The following SETBP1 variants were observed in gnomAD, a reference collection of about 807,000 sequenced individuals.
SETBP1 encodes SET-binding protein.
Under a neutral mutation model 101.0 loss-of-function variants are expected in SETBP1, and 9 were observed. That is an observed-to-expected ratio of 0.09 (90% CI 0.05 to 0.16). The LOEUF is 0.16. Among genes scored for constraint, SETBP1 ranks in the 10% least tolerant of loss-of-function variants. The pLI is 1.00. For missense variants in SETBP1, 1,858 were observed against 2,033.8 expected, an observed-to-expected ratio of 0.91 and a Z score of 1.66; for synonymous variants, 818 against 788.5, an observed-to-expected ratio of 1.04 and a Z score of -0.63.
intron 2 of SETBP1, among the ~76,000 whole-genome samples, chr18:44,818,873 C>T (rs1165918489): frequency 6.6e-6 from 1 of 151,936 alleles, no homozygotes; most frequent in Admixed American, 6.5e-5. Flanking sequence ...CACTCATCAT[C>T]TTACATATCC....
intron 4 of SETBP1, among the ~76,000 whole-genome samples, chr18:45,008,358 C>A (rs1304161773): frequency 6.6e-6 from 1 of 152,158 alleles, no homozygotes; most frequent in African/African-American, 2.4e-5. Flanking sequence ...GTATGTCCAT[C>A]ATGAATCTGA....
At chr18:44,837,646 G>A (rs1193094009) in intron 2 of SETBP1, among the ~76,000 whole-genome samples, 1 of 152,196 alleles carries the variant, frequency 6.6e-6, no homozygotes, top group East Asian at 1.9e-4. Flanking sequence ...AAGAGGCGAT[G>A]CGGTCCATTT....
Position 45,038,639 on chromosome 18 carries a change from A to G in SETBP1, c.4155A>G (p.Ala1385=), listed in dbSNP as rs745718445. 6.2e-7 allele frequency: 1 copy of G among 1,614,156 alleles called. No individual in the cohort carries two copies. Among genetic ancestry groups the G allele is most frequent in the South Asian group, 1.1e-5 (1 of 91,090 alleles). ...TGTTATCTCTCCTTGCTGCATCTGCAGCAACGTCGGATGCAGGTGAGCACT... is the reference window on the plus strand; with the variant it reads ...TGTTATCTCTCCTTGCTGCATCTGCGGCAACGTCGGATGCAGGTGAGCACT... The part of the protein sequence containing the change: ...APVLSLLAAS[A]ATSDAVGSSL... Residue 1385 remains alanine, a synonymous_variant, in exon 5 of 6, where the codon GCA becomes GCG. Coordinates refer to ENST00000649279, the MANE Select transcript of SETBP1 (RefSeq NM_015559.3).
chr18:45,032,577 G>A (rs1225271983), intron 4 of SETBP1, among the ~76,000 whole-genome samples: 1 of 152,132 alleles, frequency 6.6e-6, no homozygotes, highest in African/African-American at 2.4e-5. Flanking sequence ...AACTAATGCT[G>A]ATAGGGTCAC....
intron 4 of SETBP1, chr18:44,987,926 TA>T (rs2072276085): frequency 6.6e-6 from 1 of 152,176 alleles, no homozygotes; most frequent in Non-Finnish European, 1.5e-5. Flanking sequence ...TCTCATGAGA[TA>T]TTTTTTCATT....
Position 45,038,674 on chromosome 18 carries a change from CT to C in SETBP1, c.4171+22del. The C allele has an allele frequency of 3.7e-6, 6 of 1,613,264 alleles. No individual in the cohort carries two copies. Among genetic ancestry groups the C allele is most frequent in the Non-Finnish European group, 5.1e-6 (6 of 1,179,688 alleles). On this transcript the variant is annotated intron_variant, in intron 5 of 5. Coordinates refer to ENST00000649279, the MANE Select transcript of SETBP1 (RefSeq NM_015559.3). The stretch of plus-strand genomic sequence containing the variant: ...GATGCAGGTGAGCACTTTTCAGATG[CT>C]TTGGGTTCACCCCAAGCAAGATGAA...
At chr18:44,986,003 A>G (rs2072224457) in intron 4 of SETBP1, 1 of 152,204 alleles carries the variant, frequency 6.6e-6, no homozygotes, top group African/African-American at 2.4e-5. Flanking sequence ...AATATACATT[A>G]TGGCAGAGAG....
chr18:44,939,752 G>A (rs1048277861), intron 3 of SETBP1, among the ~76,000 whole-genome samples: 7 of 152,192 alleles, frequency 4.6e-5, no homozygotes, highest in African/African-American at 1.7e-4. Flanking sequence ...CCATCCCAGT[G>A]AATGTGCAAT....
Position 45,063,213 on chromosome 18 carries a change from G to T in SETBP1, c.4306G>T (p.Ala1436Ser). Residue 1436 changes from alanine to serine, a missense_variant, in exon 6 of 6, where the codon GCC (alanine) becomes TCC (serine). By Grantham distance (99) the Ala-to-Ser change is moderately conservative. Around this residue, in one of 12 missense-constraint regions of SETBP1, gnomAD observed 26 missense variants for 56.3 expected, o/e 0.46. Coordinates refer to ENST00000649279, the MANE Select transcript of SETBP1 (RefSeq NM_015559.3). Reference sequence around the variant, plus strand: ...GGACCACGTGAACAAGATCCTGAAGGCCAAGCGGCTGCAGAGACAATCAAA... The same window carrying T: ...GGACCACGTGAACAAGATCCTGAAGTCCAAGCGGCTGCAGAGACAATCAAA... ...NLDHVNKILK[A>S]KRLQRQSKTG... 6.2e-7 allele frequency: 1 copy of T among 1,613,980 alleles called. No homozygotes were observed. Among genetic ancestry groups the T allele is most frequent in the African/African-American group, 1.3e-5 (1 of 75,008 alleles).
intron 3 of SETBP1, chr18:44,877,066 G>T (rs1395117646): frequency 1.9e-6 from 2 of 1,059,248 alleles, no homozygotes; most frequent in East Asian, 6.8e-5. Flanking sequence ...TACTCTCTAG[G>T]CCTTTTTTCT....
At chr18:44,746,421 G>T (rs929892786) in intron 2 of SETBP1, among the ~76,000 whole-genome samples, 4 of 152,202 alleles carry the variant, frequency 2.6e-5, no homozygotes, top group Admixed American at 6.5e-5. Context: ...TCCAGTGAGT[G>T]GTTGCCTTCA....
rs183753171 is a variant in SETBP1, at chr18:44,925,066, G to A, written c.541-24815G>A. Among the ~76,000 whole-genome samples the A allele has an allele frequency of 7.5e-3, 893 of 118,484 alleles. 8 individuals carry two copies. Among genetic ancestry groups the A allele is most frequent in the Middle Eastern group, 0.026 (4 of 152 alleles). The allele number at this position is 118,484 out of a possible 152,430, so 77.7% of individuals were successfully genotyped here. ...GAATGAGCTAAATTTTCCAGGGCTC[G>A]TTTAATGGCTGGGAAAGTTGCTACA... On this transcript the variant is annotated intron_variant, in intron 3 of 5. Transcript: ENST00000649279.
intron 2 of SETBP1, among the ~76,000 whole-genome samples, chr18:44,830,861 G>A (rs2072347662): frequency 6.6e-6 from 1 of 152,166 alleles, no homozygotes; most frequent in Admixed American, 6.5e-5. Flanking sequence ...CAAAAGTCTG[G>A]ATTCACAAAA....
intron 2 of SETBP1, among the ~76,000 whole-genome samples, chr18:44,714,352 C>G (rs1030782263): frequency 3.3e-5 from 5 of 152,118 alleles, no homozygotes; most frequent in African/African-American, 1.2e-4. Flanking sequence ...GTGCATGCCA[C>G]AACACCGGGC....
At chr18:44,838,821 A>C (rs2072551789) in intron 2 of SETBP1, among the ~76,000 whole-genome samples, 1 of 147,654 alleles carries the variant, frequency 6.8e-6, no homozygotes, top group South Asian at 2.2e-4. Context: ...AACACCCAGA[A>C]TGACCCCCTC....
intron 1 of SETBP1, among the ~76,000 whole-genome samples, chr18:44,699,789 G>A (rs2069084484): frequency 6.6e-6 from 1 of 152,200 alleles, no homozygotes; most frequent in Admixed American, 6.5e-5. Flanking sequence ...TTGGAGCCGG[G>A]GCTGCCTTCC....
intron 2 of SETBP1, among the ~76,000 whole-genome samples, chr18:44,722,046 G>A (rs968523236): frequency 6.6e-6 from 1 of 150,890 alleles, no homozygotes; most frequent in Admixed American, 6.6e-5. Flanking sequence ...ACATGCATGT[G>A]AAATCTTTGT....
At chr18:44,811,265 G>T (rs1291268670) in intron 2 of SETBP1, among the ~76,000 whole-genome samples, 1 of 152,178 alleles carries the variant, frequency 6.6e-6, no homozygotes, top group African/African-American at 2.4e-5. Flanking sequence ...TGATCCATCC[G>T]CCCATCACTC....
chr18:44,867,001 C>T (rs1599247130), intron 2 of SETBP1, among the ~76,000 whole-genome samples: 2 of 152,182 alleles, frequency 1.3e-5, no homozygotes, highest in South Asian at 2.1e-4. Context: ...ATAATTCAGA[C>T]GCATTTTATT....
Sources: allele counts gnomAD v4.1 joint callset (sites outside exome capture counted in the v4.1 genomes callset), GRCh38; gene constraint gnomAD v4.1.1; regional missense constraint gnomAD v4.1.1; transcripts MANE v1.5; gene names NCBI Gene and HGNC (gene_info 2026-07-23, HGNC 2026-07-21).